The following LRRC4C variants were observed in gnomAD, a reference collection of about 807,000 sequenced individuals.
LRRC4C encodes the protein leucine rich repeat containing 4C.
LRRC4C carries 5 observed loss-of-function variants against 33.6 expected under a neutral mutation model. The observed-to-expected ratio is 0.15, with a 90% CI of 0.08 to 0.31. The LOEUF is 0.31. LRRC4C is among the 10% of genes least tolerant of loss of function. LRRC4C has a pLI of 1.00. For synonymous variants in LRRC4C, 329 were observed against 302.0 expected (o/e 1.09, Z -0.93); for missense variants, 560 against 796.7 (o/e 0.70, Z 3.58).
chr11:40,791,445 T>C (rs996115660), intron 2 of LRRC4C, among the ~76,000 whole-genome samples: 1 of 152,114 alleles, frequency 6.6e-6, no homozygotes, highest in Non-Finnish European at 1.5e-5. Flanking sequence ...AGGCTGAAAA[T>C]TGATAATCTT....
chr11:41,093,607 T>C (rs1165943704), intron 1 of LRRC4C, among the ~76,000 whole-genome samples: 1 of 152,142 alleles, frequency 6.6e-6, no homozygotes, highest in African/African-American at 2.4e-5. Flanking sequence ...CAGCGTGCCA[T>C]ACAGCTACAC....
intron 3 of LRRC4C, among the ~76,000 whole-genome samples, chr11:40,509,310 T>C (rs1387387184): frequency 1.3e-5 from 2 of 152,166 alleles, no homozygotes; most frequent in Admixed American, 6.5e-5. Flanking sequence ...TTTAGCATGA[T>C]AAATAGTTTA....
Position 40,611,592 on chromosome 11 carries a change from G to A in LRRC4C, c.-270+36550C>T, listed in dbSNP as rs140991680. On this transcript the variant is annotated intron_variant, in intron 3 of 6. Transcript: ENST00000528697. ...GAAAAGGACAACATATAATATTGGA[G>A]ATAATATTTGCAAACCACATATCTG... 1.2e-3 allele frequency among the ~76,000 whole-genome samples: 188 copies of A among 151,748 alleles called. 1 individual carries two copies. Among genetic ancestry groups the A allele is most frequent in the African/African-American group, 4.2e-3 (176 of 41,480 alleles).
intron 2 of LRRC4C, among the ~76,000 whole-genome samples, chr11:40,801,753 AT>A (rs959916558): frequency 2.6e-4 from 39 of 151,662 alleles, no homozygotes; most frequent in East Asian, 7.7e-4. Flanking sequence ...AGTACCAGAA[AT>A]TTTTTTTTGA....
chr11:40,618,916 C>T (rs1251264405), intron 3 of LRRC4C, among the ~76,000 whole-genome samples: 3 of 151,686 alleles, frequency 2.0e-5, no homozygotes, highest in African/African-American at 7.3e-5. Context: ...TCAACTGGAC[C>T]ATAATTAGGG....
intron 3 of LRRC4C, among the ~76,000 whole-genome samples, chr11:40,327,801 C>T (rs1465549635): frequency 6.6e-6 from 1 of 151,988 alleles, no homozygotes; most frequent in Non-Finnish European, 1.5e-5. Flanking sequence ...CTACACTCTA[C>T]ATTGACTCTA....
chr11:40,888,143 A>C (rs2136083134), intron 2 of LRRC4C, among the ~76,000 whole-genome samples: 1 of 151,994 alleles, frequency 6.6e-6, no homozygotes, highest in South Asian at 2.1e-4. Flanking sequence ...ATTTTGTGAA[A>C]ATTCCAGGGT....
At chr11:40,140,635 T>A (rs1383402027) in intron 6 of LRRC4C, among the ~76,000 whole-genome samples, 166 bp downstream of exon 6, 1 of 151,950 alleles carries the variant, frequency 6.6e-6, no homozygotes, top group African/African-American at 2.4e-5. Context: ...TTTTTTGAAA[T>A]TCAGTAGTGG....
At chr11:40,910,636 T>C (rs916508848) in intron 2 of LRRC4C, among the ~76,000 whole-genome samples, 3 of 152,166 alleles carry the variant, frequency 2.0e-5, no homozygotes. Flanking sequence ...CACAGAAGAA[T>C]GATTTCTGCA....
At chr11:40,285,446 C>T (rs1943771589) in intron 4 of LRRC4C, among the ~76,000 whole-genome samples, 1 of 152,136 alleles carries the variant, frequency 6.6e-6, no homozygotes, top group Non-Finnish European at 1.5e-5. Flanking sequence ...CAATGAGGAC[C>T]TCATCTGGTT....
chr11:41,459,095 A>T (rs914638345), intron 1 of LRRC4C, among the ~76,000 whole-genome samples: 11 of 152,160 alleles, frequency 7.2e-5, no homozygotes, highest in Non-Finnish European at 1.0e-4. Flanking sequence ...CGCTTTTCTG[A>T]TTAATGTTTT....
chr11:40,586,843 G>T (rs1417928541), intron 3 of LRRC4C, among the ~76,000 whole-genome samples: 8 of 152,068 alleles, frequency 5.3e-5, no homozygotes, highest in South Asian at 2.1e-4. Flanking sequence ...TATCTCTGTT[G>T]TGGTACCAGT....
chr11:40,811,689 GT>G (rs1951497361), intron 2 of LRRC4C, among the ~76,000 whole-genome samples: 1 of 152,042 alleles, frequency 6.6e-6, no homozygotes, highest in African/African-American at 2.4e-5. Context: ...GTAGAGAAGG[GT>G]TTCACCATGT....
At chr11:40,403,069 C>T (rs1272348789) in intron 3 of LRRC4C, among the ~76,000 whole-genome samples, 1 of 152,020 alleles carries the variant, frequency 6.6e-6, no homozygotes, top group African/African-American at 2.4e-5. Flanking sequence ...ATTTGTATGG[C>T]CTTCCCACTC....
chr11:40,238,598 G>A (rs1452474), intron 5 of LRRC4C, among the ~76,000 whole-genome samples: 113,057 of 152,096 alleles, frequency 0.74, 46,063 homozygotes, highest in East Asian at 0.95. Flanking sequence ...CAATACTCCA[G>A]TGTAACTTTC....
At chr11:40,369,590 A>G (rs113839625) in intron 3 of LRRC4C, among the ~76,000 whole-genome samples, 8,022 of 152,248 alleles carry the variant, frequency 0.053, 666 homozygotes, top group African/African-American at 0.18. Flanking sequence ...TGCCCGCCTC[A>G]GCCTCCCAAA....
chr11:40,356,509 T>C (rs530417008), intron 3 of LRRC4C, among the ~76,000 whole-genome samples: 1 of 152,352 alleles, frequency 6.6e-6, no homozygotes, highest in South Asian at 2.1e-4. Flanking sequence ...GTCTGGCCGC[T>C]AAGGGTAGAA....
intron 1 of LRRC4C, among the ~76,000 whole-genome samples, chr11:41,238,829 G>A (rs1372375262): frequency 2.0e-5 from 3 of 152,182 alleles, no homozygotes; most frequent in South Asian, 2.1e-4. Context: ...TTGGACAAAG[G>A]TTATCGTTCC....
chr11:41,111,760 A>T (rs1013353087), intron 1 of LRRC4C, among the ~76,000 whole-genome samples: 2 of 152,030 alleles, frequency 1.3e-5, no homozygotes, highest in Non-Finnish European at 2.9e-5. Context: ...AAGTAAAAGT[A>T]ACCTTTCCCT....
Sources: allele counts gnomAD v4.1 joint callset (sites outside exome capture counted in the v4.1 genomes callset), GRCh38; gene constraint gnomAD v4.1.1; transcripts MANE v1.5; gene names NCBI Gene and HGNC (gene_info 2026-07-23, HGNC 2026-07-21).